The following COMMD10 variants were observed in gnomAD, a reference collection of about 807,000 sequenced individuals.
COMMD10 encodes COMM domain containing 10.
Under a neutral mutation model 28.9 loss-of-function variants are expected in COMMD10, and 33 were observed. The ratio of observed to expected loss-of-function variants is 1.14; its 90% CI spans 0.87 to 1.53. The LOEUF (loss-of-function observed/expected upper bound fraction) is 1.53, where lower values mean the gene tolerates loss of function less well. COMMD10 is among the 40% of genes most tolerant of loss of function. COMMD10 has a pLI of 0.00. For synonymous variants in COMMD10, 110 were observed against 81.7 expected, an observed-to-expected ratio of 1.35 and a Z score of -1.87; for missense variants, 310 against 233.4, an observed-to-expected ratio of 1.33 and a Z score of -2.14.
In COMMD10 at chr5:116,091,112, A is replaced by G. The variant is rs750341265; in HGVS notation, c.166A>G (p.Lys56Glu). Residue 56 changes from lysine to glutamate, a missense_variant, in exon 3 of 7, where the codon AAA becomes GAA. By Grantham distance (56) the Lys-to-Glu change is moderately conservative. Transcript: ENST00000274458. ...CAGTTTCAGTGAAGAAGAGGAAGAA[A>G]AACTTCAAGCGGCATTTTCTCTAGA... ...ESSFSEEEEEKLQAAFSLEKQ... is the reference protein window; with the variant it reads ...ESSFSEEEEEELQAAFSLEKQ... 1.2e-6 allele frequency: 2 copies of G among 1,612,308 alleles called. No individual in the cohort carries two copies. Among genetic ancestry groups the G allele is most frequent in the Non-Finnish European group, 1.7e-6 (2 of 1,178,980 alleles).
At chr5:116,151,561 C>G (rs945510566) in intron 5 of COMMD10, among the ~76,000 whole-genome samples, 5 of 152,140 alleles carry the variant, frequency 3.3e-5, no homozygotes, top group East Asian at 1.9e-4. Context: ...TTCAGAGAGT[C>G]AACTTCTTCC....
intron 4 of COMMD10, among the ~76,000 whole-genome samples, chr5:116,100,017 C>G (rs1245379157): frequency 1.3e-5 from 2 of 152,052 alleles, no homozygotes; most frequent in Admixed American, 1.3e-4. Flanking sequence ...ATTTATGTTT[C>G]AAATACACCT....
intron 5 of COMMD10, among the ~76,000 whole-genome samples, chr5:116,265,421 T>A (rs1750558813): frequency 6.6e-6 from 1 of 151,784 alleles, no homozygotes; most frequent in Non-Finnish European, 1.5e-5. Context: ...TGTTACACAC[T>A]TCCCAAAAAG....
intron 4 of COMMD10, among the ~76,000 whole-genome samples, chr5:116,115,609 G>A (rs1751207303): frequency 1.3e-5 from 2 of 152,108 alleles, no homozygotes; most frequent in Admixed American, 6.6e-5. Flanking sequence ...TAATACCTAT[G>A]TGTTCATAAC....
At chr5:116,246,424 T>TTAA (rs1218996962) in intron 5 of COMMD10, among the ~76,000 whole-genome samples, 23 of 151,874 alleles carry the variant, frequency 1.5e-4, no homozygotes, top group Non-Finnish European at 7.4e-5. Context: ...ATTTATAGAT[T>TTAA]CAGTGCTATT....
chr5:116,184,003 G>T (rs532674679), intron 5 of COMMD10, among the ~76,000 whole-genome samples: 1 of 152,014 alleles, frequency 6.6e-6, no homozygotes, highest in African/African-American at 2.4e-5. Context: ...TCAGTCATCC[G>T]TTAAGGGTTA....
At chr5:116,212,522 G>GTGTGTGTGTGTGTGTGTGTGTGTGTA (rs71223098) in intron 5 of COMMD10, among the ~76,000 whole-genome samples, 20,933 of 130,964 alleles carry the variant, frequency 0.16, 3,371 homozygotes, top group Non-Finnish European at 0.23. Flanking sequence ...GTGTGTGTGT[G>GTGTGTGTGTGTGTGTGTGTGTGTGTA]TAGAATGTGA....
intron 5 of COMMD10, among the ~76,000 whole-genome samples, chr5:116,275,009 G>A (rs1750863759): frequency 6.6e-6 from 1 of 151,754 alleles, no homozygotes; most frequent in South Asian, 2.1e-4. Flanking sequence ...GGAAATACCT[G>A]TCTTAAACTG....
chr5:116,227,543 G>T lies in COMMD10; in HGVS notation c.511-63974G>T, dbSNP rs1749423976. ...GCTTCAAATTCCACATTTATGTTTT[G>T]TCTCCTCTGCCACAGGTAATAACCC... On this transcript the variant is annotated intron_variant, in intron 5 of 6. Coordinates refer to ENST00000274458, the MANE Select transcript of COMMD10 (RefSeq NM_016144.4). Among the ~76,000 whole-genome samples, 7 of 151,890 alleles carry T rather than the reference G, an allele frequency of 4.6e-5. No homozygotes were observed. In the South Asian group the frequency reaches 1.5e-3, roughly 31 times the overall value.
At chr5:116,135,964 A>C (rs1752013799) in intron 5 of COMMD10, among the ~76,000 whole-genome samples, 3 of 152,180 alleles carry the variant, frequency 2.0e-5, no homozygotes, top group Non-Finnish European at 4.4e-5. Flanking sequence ...TTTTATGAAG[A>C]CTAAATACCT....
chr5:116,134,667 T>C (rs759204704), intron 5 of COMMD10, among the ~76,000 whole-genome samples: 8 of 152,182 alleles, frequency 5.3e-5, no homozygotes, highest in African/African-American at 9.6e-5. Flanking sequence ...GTCGCCCAGG[T>C]TGGAGTGCAG....
intron 5 of COMMD10, among the ~76,000 whole-genome samples, chr5:116,143,252 T>C (rs891258536): frequency 6.6e-6 from 1 of 151,640 alleles, no homozygotes; most frequent in Non-Finnish European, 1.5e-5. Context: ...GTGGAAAGTC[T>C]ACATTTATCC....
At chr5:116,247,101 A>G (rs1007679250) in intron 5 of COMMD10, among the ~76,000 whole-genome samples, 2 of 152,022 alleles carry the variant, frequency 1.3e-5, no homozygotes, top group Non-Finnish European at 2.9e-5. Context: ...TCTAGTATCT[A>G]TACGGAACTT....
At chr5:116,231,780 TAAAGA>T (rs143364440) in intron 5 of COMMD10, among the ~76,000 whole-genome samples, 152 of 152,188 alleles carry the variant, frequency 1.0e-3, no homozygotes, top group African/African-American at 3.5e-3. Context: ...TAAAAGTCTT[TAAAGA>T]AATTAATTGG....
At chr5:116,180,970 T>C (rs148669246) in intron 5 of COMMD10, among the ~76,000 whole-genome samples, 69 of 152,134 alleles carry the variant, frequency 4.5e-4, no homozygotes, top group African/African-American at 1.6e-3. Flanking sequence ...CTGGACAACA[T>C]GGTGAAACCC....
chr5:116,168,224 T>A (rs1753198572), intron 5 of COMMD10, among the ~76,000 whole-genome samples: 1 of 143,244 alleles, frequency 7.0e-6, no homozygotes. Flanking sequence ...GCAACAAAGA[T>A]CAAAAAAGAC....
At chr5:116,247,023 G>A (rs1044785382) in intron 5 of COMMD10, among the ~76,000 whole-genome samples, 1 of 151,716 alleles carries the variant, frequency 6.6e-6, no homozygotes, top group Non-Finnish European at 1.5e-5. Context: ...GCTATCAACA[G>A]AGTAAACAGA....
chr5:116,201,863 A>T (rs574777874), intron 5 of COMMD10, among the ~76,000 whole-genome samples: 47 of 152,230 alleles, frequency 3.1e-4, no homozygotes, highest in African/African-American at 1.1e-3. Context: ...TTGGACTCCC[A>T]ATTAAATTAT....
At chr5:116,117,871 T>C (rs1387881412) in intron 4 of COMMD10, among the ~76,000 whole-genome samples, 1 of 152,216 alleles carries the variant, frequency 6.6e-6, no homozygotes, top group Non-Finnish European at 1.5e-5. Context: ...TATAGGCTAT[T>C]TCCCAACCAT....
Sources: gnomAD v4.1 joint callset for allele counts (sites outside exome capture counted in the v4.1 genomes callset) on GRCh38, gnomAD v4.1.1 for gene constraint, MANE v1.5 for transcripts, NCBI Gene and HGNC (gene_info 2026-07-23, HGNC 2026-07-21) for gene names.